Variants in NCOA2 observed in about 807,000 individuals in gnomAD.
NCOA2 encodes class E basic helix-loop-helix protein 75.
In NCOA2, 21 loss-of-function variants were observed where a neutral mutation model predicts 145.1. The ratio of observed to expected loss-of-function variants is 0.14; its 90% CI spans 0.10 to 0.21. The LOEUF is 0.21. Among genes scored for constraint, NCOA2 ranks in the 10% least tolerant of loss-of-function variants. The probability of loss-of-function intolerance (pLI) is 1.00; values close to 1 mark genes in which losing one functional copy is unlikely to be tolerated. For missense variants in NCOA2, 1,472 were observed against 1,837.6 expected (o/e 0.80, Z 3.64); for synonymous variants, 619 against 637.5 (o/e 0.97, Z 0.44).
intron 1 of NCOA2, among the ~76,000 whole-genome samples, chr8:70,355,557 A>G (rs1809605546): frequency 6.6e-6 from 1 of 151,954 alleles, no homozygotes; most frequent in African/African-American, 2.4e-5. Context: ...CTTTTTTCAA[A>G]TGTCATGAGA....
chr8:70,411,516 A>C, the NCOA2 span, among the ~76,000 whole-genome samples: 1 of 152,222 alleles, frequency 6.6e-6, no homozygotes, highest in Non-Finnish European at 1.5e-5. Flanking sequence ...ACTGTTTGGC[A>C]ATATCCATTA....
At position 70,211,320 on chromosome 8, in the gene NCOA2, G is replaced by A. The variant is rs543628868; in HGVS notation, c.259+2583C>T. Among the ~76,000 whole-genome samples the A allele has an allele frequency of 8.6e-5, 13 of 152,018 alleles. No individual in the cohort carries two copies. The South Asian group carries it at 1.2e-3, about 15-fold the overall frequency. ...TTAAAAATACAAAAATTAGCTGGAC[G>A]TGGTGGCGCATGCCTGTAATCCCAG... On this transcript the variant is annotated intron_variant, in intron 4 of 22. Coordinates refer to ENST00000452400, the MANE Select transcript of NCOA2 (RefSeq NM_006540.4).
At chr8:70,405,448 T>TTG (rs1261199564), upstream of NCOA2, among the ~76,000 whole-genome samples, 23 of 128,264 alleles carry the variant, frequency 1.8e-4, no homozygotes, top group African/African-American at 6.5e-4. Context: ...TTTTTTTTTT[T>TTG]TTTTTTTTTT....
At chr8:70,274,018 T>C (rs1464810044) in intron 2 of NCOA2, among the ~76,000 whole-genome samples, 1 of 152,228 alleles carries the variant, frequency 6.6e-6, no homozygotes, top group Non-Finnish European at 1.5e-5. Flanking sequence ...CTTTTCAGTT[T>C]TTGCTTATAC....
intron 6 of NCOA2, among the ~76,000 whole-genome samples, chr8:70,168,755 A>G (rs1813908539): frequency 6.6e-6 from 1 of 152,252 alleles, no homozygotes; most frequent in Non-Finnish European, 1.5e-5. Flanking sequence ...TAAGGCAAAG[A>G]GCTCTTTAGA....
At chr8:70,284,578 CT>C (rs1433536594) in intron 2 of NCOA2, among the ~76,000 whole-genome samples, 9 of 152,200 alleles carry the variant, frequency 5.9e-5, no homozygotes, top group African/African-American at 2.2e-4. Flanking sequence ...TCCCATCCCC[CT>C]TTGTTACAAA....
intron 1 of NCOA2, among the ~76,000 whole-genome samples, chr8:70,359,823 A>G (rs1810050656): frequency 6.6e-6 from 1 of 152,182 alleles, no homozygotes; most frequent in Non-Finnish European, 1.5e-5. Context: ...TTCTTCTAAT[A>G]AACACTGAGG....
intron 4 of NCOA2, among the ~76,000 whole-genome samples, chr8:70,181,429 C>T (rs548460274): frequency 5.3e-5 from 8 of 152,324 alleles, no homozygotes; most frequent in Admixed American, 3.9e-4. Context: ...ATGTCACTCA[C>T]TCTGTAATAA....
chr8:70,140,025 C>T (rs1810201620), intron 14 of NCOA2, among the ~76,000 whole-genome samples: 1 of 152,006 alleles, frequency 6.6e-6, no homozygotes, highest in African/African-American at 2.4e-5. Context: ...AAGAAGAGGG[C>T]TAACATGTCA....
At chr8:70,381,756 G>T (rs1812213156) in intron 1 of NCOA2, among the ~76,000 whole-genome samples, 1 of 152,170 alleles carries the variant, frequency 6.6e-6, no homozygotes, top group African/African-American at 2.4e-5. Flanking sequence ...CATTTTACTT[G>T]ACATTTCCCA....
At chr8:70,319,923 C>A (rs958132861) in intron 1 of NCOA2, among the ~76,000 whole-genome samples, 5 of 152,192 alleles carry the variant, frequency 3.3e-5, no homozygotes, top group African/African-American at 1.2e-4. Flanking sequence ...TTATTGGTTT[C>A]TTTGCTTCTG....
At chr8:70,124,940 A>T in intron 19 of NCOA2, 75 bp from the exon 20 acceptor site, 1 of 1,337,666 alleles carries the variant, frequency 7.5e-7, no homozygotes, top group African/African-American at 1.5e-5. Context: ...GGGGGGAAAG[A>T]ACATTCCAAA....
chr8:70,363,988 G>A (rs1563807862), intron 1 of NCOA2, among the ~76,000 whole-genome samples: 1 of 151,060 alleles, frequency 6.6e-6, no homozygotes, highest in Non-Finnish European at 1.5e-5. Context: ...AATGCTATAT[G>A]CAGTACAGGT....
chr8:70,252,486 T>C (rs1450002145), intron 2 of NCOA2, among the ~76,000 whole-genome samples: 3 of 152,238 alleles, frequency 2.0e-5, no homozygotes, highest in Admixed American at 2.0e-4. Flanking sequence ...CTGACCATGA[T>C]GGCTTAATGG....
Position 70,148,451 on chromosome 8 carries a change from A to T in NCOA2, c.2427T>A (p.Ile809=), listed in dbSNP as rs191363865. Residue 809 remains isoleucine (I), a synonymous_variant, in exon 12 of 23, where the codon ATT becomes ATA. Coordinates refer to ENST00000452400, the MANE Select transcript of NCOA2 (RefSeq NM_006540.4). ...PGSELDNLEE[I]LDDLQNSQLP... is the part of the protein sequence containing the mutation. ...ATTGACTATTCTGCAAATCATCCAA[A>T]ATCTCCTCCAAGTTGTCCAGCTCAC... The T allele has an allele frequency of 8.7e-6, 14 of 1,613,414 alleles. No homozygotes were observed. The highest frequency in any genetic ancestry group is 8.3e-5 in the Admixed American group (5 of 60,014).
At chr8:70,363,477 C>G (rs1810403184) in intron 1 of NCOA2, among the ~76,000 whole-genome samples, 1 of 151,980 alleles carries the variant, frequency 6.6e-6, no homozygotes, top group African/African-American at 2.4e-5. Context: ...ATTTATGTTC[C>G]TAAATTTGTA....
At chr8:70,173,321 C>T (rs1028092255) in intron 5 of NCOA2, among the ~76,000 whole-genome samples, 1 of 151,938 alleles carries the variant, frequency 6.6e-6, no homozygotes, top group African/African-American at 2.4e-5. Context: ...TCTAATGTTC[C>T]CCCCACCCCA....
chr8:70,279,559 C>A (rs1203323618), intron 2 of NCOA2, among the ~76,000 whole-genome samples: 1 of 152,204 alleles, frequency 6.6e-6, no homozygotes, highest in Non-Finnish European at 1.5e-5. Flanking sequence ...AAGCAACCCT[C>A]CCCTGTCAGG....
intron 2 of NCOA2, among the ~76,000 whole-genome samples, chr8:70,294,943 G>GAA (rs1271962812): frequency 6.6e-6 from 1 of 152,188 alleles, no homozygotes; most frequent in Non-Finnish European, 1.5e-5. Context: ...ATGTGAATCA[G>GAA]AAACAGCTGT....
Sources: allele counts gnomAD v4.1 joint callset (sites outside exome capture counted in the v4.1 genomes callset), GRCh38; gene constraint gnomAD v4.1.1; transcripts MANE v1.5; gene names NCBI Gene and HGNC (gene_info 2026-07-23, HGNC 2026-07-21).